The following GRM8 variants were observed in gnomAD, a reference collection of about 807,000 sequenced individuals.
GRM8 encodes the protein metabotropic glutamate receptor 8.
GRM8 carries 47 observed loss-of-function variants against 87.2 expected under a neutral mutation model. That is an observed-to-expected ratio of 0.54 (90% CI 0.43 to 0.69). GRM8 has a LOEUF of 0.69. GRM8 is among the 30% of genes least tolerant of loss of function. The pLI is 0.00. For missense variants in GRM8, 1,019 were observed against 1,139.2 expected, an observed-to-expected ratio of 0.89 and a Z score of 1.52; for synonymous variants, 396 against 404.5, an observed-to-expected ratio of 0.98 and a Z score of 0.25.
chr7:127,085,530 T>C (rs961078214), intron 3 of GRM8, among the ~76,000 whole-genome samples: 7 of 152,244 alleles, frequency 4.6e-5, no homozygotes, highest in African/African-American at 1.4e-4. Flanking sequence ...TATCTCATTG[T>C]GGTTTTGATT....
intron 7 of GRM8, among the ~76,000 whole-genome samples, chr7:126,708,435 T>C (rs1265937958): frequency 2.6e-5 from 4 of 152,016 alleles, no homozygotes; most frequent in African/African-American, 4.8e-5. Flanking sequence ...GTCATGTTCA[T>C]TGCAGCATTA....
chr7:127,194,226 T>G (rs192406793), intron 2 of GRM8, among the ~76,000 whole-genome samples: 2 of 152,200 alleles, frequency 1.3e-5, no homozygotes, highest in African/African-American at 4.8e-5. Context: ...AGAGTTGGAG[T>G]CCAACAAACC....
chr7:127,015,081 G>GAAAGA (rs1216402301), intron 3 of GRM8, among the ~76,000 whole-genome samples: 14 of 89,994 alleles, frequency 1.6e-4, no homozygotes, highest in African/African-American at 2.0e-4. Flanking sequence ...GAAAGAAGGA[G>GAAAGA]AAGAAGGAGA....
chr7:126,963,268 C>A (rs529087124), intron 3 of GRM8, among the ~76,000 whole-genome samples: 15 of 152,276 alleles, frequency 9.9e-5, no homozygotes, highest in Admixed American at 9.2e-4. Context: ...TGATACCATA[C>A]AATCATCAGT....
At chr7:126,994,102 G>A (rs140438353) in intron 3 of GRM8, among the ~76,000 whole-genome samples, 17 of 152,334 alleles carry the variant, frequency 1.1e-4, no homozygotes, top group African/African-American at 3.8e-4. Context: ...GAGGAGAGGA[G>A]ACAGAAGAGC....
At chr7:127,211,039 T>C (rs753412565) in intron 2 of GRM8, among the ~76,000 whole-genome samples, 8 of 152,170 alleles carry the variant, frequency 5.3e-5, no homozygotes, top group East Asian at 1.9e-4. Flanking sequence ...AGAATGCATA[T>C]ATTGGAACTT....
At chr7:126,749,588 T>C (rs1229138571) in intron 7 of GRM8, among the ~76,000 whole-genome samples, 1 of 150,580 alleles carries the variant, frequency 6.6e-6, no homozygotes, top group East Asian at 1.9e-4. Flanking sequence ...ATTTAATTAA[T>C]AAAGGTCTGA....
At chr7:126,963,294 T>A (rs1017605363) in intron 3 of GRM8, among the ~76,000 whole-genome samples, 1 of 152,240 alleles carries the variant, frequency 6.6e-6, no homozygotes, top group Non-Finnish European at 1.5e-5. Flanking sequence ...TCTGTTTCCA[T>A]AATGAACATT....
At chr7:126,585,214 A>T (rs1374583115) in intron 8 of GRM8, among the ~76,000 whole-genome samples, 1 of 152,208 alleles carries the variant, frequency 6.6e-6, no homozygotes, top group African/African-American at 2.4e-5. Flanking sequence ...TATATAAGGA[A>T]GAAATTTTGG....
intron 2 of GRM8, 29 bp downstream of exon 2, chr7:127,242,666 A>G (rs1798376139): frequency 2.5e-6 from 4 of 1,588,272 alleles, no homozygotes; most frequent in African/African-American, 1.3e-5. Flanking sequence ...TTCTTTCACA[A>G]TGGTCAGAAA....
chr7:126,625,431 T>TA lies in GRM8; in HGVS notation c.1358-15934dup, dbSNP rs35646893. Among the ~76,000 whole-genome samples the TA allele has an allele frequency of 4.6e-3, 671 of 146,596 alleles. 3 individuals carry two copies. Among genetic ancestry groups the TA allele is most frequent in the African/African-American group, 0.014 (560 of 40,260 alleles). On this transcript the variant is annotated intron_variant, in intron 7 of 10. Coordinates refer to ENST00000339582, the MANE Select transcript of GRM8 (RefSeq NM_000845.3). ...AATGGCTTTAACTGTTTTGGTGTGTTAAAAAAAAAAAGACACGACAAGAAA... is the reference window on the plus strand; with the variant it reads ...AATGGCTTTAACTGTTTTGGTGTGTTAAAAAAAAAAAAGACACGACAAGAAA...
At chr7:127,145,443 T>C (rs1414946035) in intron 2 of GRM8, among the ~76,000 whole-genome samples, 1 of 152,138 alleles carries the variant, frequency 6.6e-6, no homozygotes, top group Non-Finnish European at 1.5e-5. Flanking sequence ...TTTAATGTCT[T>C]TCTACAATTA....
intron 7 of GRM8, among the ~76,000 whole-genome samples, chr7:126,676,807 G>T (rs945321352): frequency 6.6e-6 from 1 of 152,110 alleles, no homozygotes; most frequent in Middle Eastern, 3.2e-3. Context: ...TCTGGACATT[G>T]GCCTAGGCAA....
intron 9 of GRM8, among the ~76,000 whole-genome samples, chr7:126,456,176 G>C (rs926289979): frequency 2.6e-5 from 4 of 151,492 alleles, no homozygotes; most frequent in African/African-American, 9.7e-5. Flanking sequence ...AGGGAAAAAA[G>C]ACTATTTGGA....
At chr7:127,065,708 C>T (rs1453393705) in intron 3 of GRM8, among the ~76,000 whole-genome samples, 1 of 152,044 alleles carries the variant, frequency 6.6e-6, no homozygotes, top group Admixed American at 6.6e-5. Context: ...GCAGACTGCC[C>T]AAGTGGAATT....
intron 7 of GRM8, among the ~76,000 whole-genome samples, chr7:126,643,642 G>A (rs1174381234): frequency 6.6e-6 from 1 of 151,942 alleles, no homozygotes; most frequent in East Asian, 1.9e-4. Context: ...GATCCACTGT[G>A]TTTAATTAAA....
intron 3 of GRM8, among the ~76,000 whole-genome samples, chr7:126,968,320 T>C (rs917206438): frequency 1.3e-5 from 2 of 152,218 alleles, no homozygotes; most frequent in Non-Finnish European, 2.9e-5. Context: ...AAGTCTTAAC[T>C]GCAATGATTT....
At chr7:127,066,317 C>G (rs1175625673) in intron 3 of GRM8, among the ~76,000 whole-genome samples, 1 of 152,134 alleles carries the variant, frequency 6.6e-6, no homozygotes. Flanking sequence ...ATATCTGTGT[C>G]ACAGAATAAC....
intron 7 of GRM8, among the ~76,000 whole-genome samples, chr7:126,642,291 TCA>T (rs1338926153): frequency 6.6e-6 from 1 of 152,160 alleles, no homozygotes; most frequent in Non-Finnish European, 1.5e-5. Flanking sequence ...GCACCACACA[TCA>T]TTAGACTTTA....
Sources: gnomAD v4.1 joint callset for allele counts (sites outside exome capture counted in the v4.1 genomes callset) on GRCh38, gnomAD v4.1.1 for gene constraint, MANE v1.5 for transcripts, NCBI Gene and HGNC (gene_info 2026-07-23, HGNC 2026-07-21) for gene names.